KCNQ1: variants seen among roughly 807,000 people sequenced by gnomAD.
KCNQ1 encodes the protein potassium voltage-gated channel subfamily KQT member 1.
In KCNQ1, 49 loss-of-function variants were observed where a neutral mutation model predicts 72.4. The observed-to-expected ratio is 0.68, with a 90% CI of 0.54 to 0.86. The LOEUF (loss-of-function observed/expected upper bound fraction) is 0.86, where lower values mean the gene tolerates loss of function less well. KCNQ1 is among the 40% of genes least tolerant of loss of function. The pLI is 0.00. For missense variants in KCNQ1, 790 were observed against 945.1 expected (o/e 0.84, Z 2.15); for synonymous variants, 450 against 412.6 (o/e 1.09, Z -1.10).
intron 15 of KCNQ1, among the ~76,000 whole-genome samples, chr11:2,792,339 C>G (rs1246173902): frequency 6.6e-6 from 1 of 152,236 alleles, no homozygotes; most frequent in East Asian, 1.9e-4. Flanking sequence ...GTGTGTGGAC[C>G]AGGCAGGAGT....
rs1427987229 is a variant in KCNQ1, at chr11:2,494,963, T to C, written c.387-32965T>C. On this transcript the variant is annotated intron_variant, in intron 1 of 15. Transcript: ENST00000155840. This position sits in a 1 kb window ranked among gnomAD's most constrained non-coding sequence, Gnocchi z 4.6. ...GGTAGAATTTGGGTGTGAATCCGTC[T>C]GGTCCTGGGCTTTTTTTGGTTGGCA... Among the ~76,000 whole-genome samples the C allele has an allele frequency of 6.6e-6, 1 of 152,232 alleles. No individual in the cohort carries two copies. The highest frequency in any genetic ancestry group is 1.5e-5 in the Non-Finnish European group (1 of 68,046).
chr11:2,717,303 C>T (rs771059798), intron 11 of KCNQ1, among the ~76,000 whole-genome samples: 1 of 152,174 alleles, frequency 6.6e-6, no homozygotes, highest in Non-Finnish European at 1.5e-5. Context: ...TTGAGGGTTA[C>T]CCCAGAGTGA....
intron 11 of KCNQ1, among the ~76,000 whole-genome samples, chr11:2,749,641 CAAA>C (rs35701102): frequency 1.1e-5 from 1 of 87,120 alleles, no homozygotes; most frequent in Non-Finnish European, 2.5e-5. Flanking sequence ...ACTAAAAATA[CAAA>C]AAAAAAAAAA....
intron 11 of KCNQ1, chr11:2,697,172 C>T (rs1850691500): frequency 5.0e-6 from 2 of 398,454 alleles, no homozygotes; most frequent in African/African-American, 4.1e-5. Flanking sequence ...TTGTATAGTT[C>T]TGCTTTAAAC....
chr11:2,466,008 C>T (rs1002622335), intron 1 of KCNQ1, among the ~76,000 whole-genome samples: 2 of 152,248 alleles, frequency 1.3e-5, no homozygotes, highest in Non-Finnish European at 2.9e-5. Context: ...AGGGGCCCGC[C>T]CTTCAGGGCC....
At chr11:2,697,368 C>G (rs1431084021) in intron 11 of KCNQ1, 1 of 398,584 alleles carries the variant, frequency 2.5e-6, no homozygotes, top group Non-Finnish European at 4.4e-6. Flanking sequence ...CTACCTGATC[C>G]TCACATCCCC....
In KCNQ1 at chr11:2,493,206, G is replaced by C. The variant is rs1487006136; in HGVS notation, c.387-34722G>C. On this transcript the variant is annotated intron_variant, in intron 1 of 15. Transcript: ENST00000155840. This position sits in a 1 kb window ranked among gnomAD's most constrained non-coding sequence, Gnocchi z 5.3. ...CCTTTACCCACTTTTTGATGGGGTT[G>C]TTTTTTTCTTGTAAATTTAAGTTCC... 6.6e-6 allele frequency among the ~76,000 whole-genome samples: 1 copy of C among 151,924 alleles called. No homozygotes were observed. Among genetic ancestry groups the C allele is most frequent in the African/African-American group, 2.4e-5 (1 of 41,362 alleles).
At chr11:2,810,917 C>T (rs536457959) in intron 15 of KCNQ1, among the ~76,000 whole-genome samples, 1 of 152,330 alleles carries the variant, frequency 6.6e-6, no homozygotes, top group South Asian at 2.1e-4. Flanking sequence ...GGCAGAGGGA[C>T]AGGACATGGA....
intron 1 of KCNQ1, among the ~76,000 whole-genome samples, chr11:2,505,357 G>C (rs1847085784): frequency 6.6e-6 from 1 of 152,060 alleles, no homozygotes; most frequent in African/African-American, 2.4e-5. Flanking sequence ...TGTATGACTG[G>C]CATCTTTTTG....
At position 2,527,985 on chromosome 11, in the gene KCNQ1, T is replaced by C; in HGVS notation, c.444T>C (p.Tyr148=). Residue 148 remains tyrosine, a synonymous_variant, in exon 2 of 16, where the codon TAT becomes TAC. Coordinates refer to ENST00000155840, the MANE Select transcript of KCNQ1 (RefSeq NM_000218.3). ...GCGTGCTGTCCACCATCGAGCAGTA[T>C]GCCGCCCTGGCCACGGGGACTCTCT... The part of the protein sequence containing the change: ...IFSVLSTIEQ[Y]AALATGTLFW... 1 of 1,614,074 alleles carries C rather than the reference T, an allele frequency of 6.2e-7. No individual in the cohort carries two copies. The highest frequency in any genetic ancestry group is 8.5e-7 in the Non-Finnish European group (1 of 1,180,006).
intron 15 of KCNQ1, among the ~76,000 whole-genome samples, chr11:2,821,873 G>A (rs575615492): frequency 2.6e-5 from 4 of 152,290 alleles, no homozygotes; most frequent in Admixed American, 6.5e-5. Context: ...CTCTGTAGTC[G>A]TGTCATGGCC....
chr11:2,809,457 C>T lies in KCNQ1; in HGVS notation c.1794+31420C>T, dbSNP rs1397391251. On this transcript the variant is annotated intron_variant, in intron 15 of 15. Transcript: ENST00000155840. The surrounding 1 kb of genome is among the most constrained non-coding windows in gnomAD (Gnocchi z 7.1). Reference sequence around the variant, plus strand: ...GGTTGTTGTTACCGTGGCATTGGTCCAGGTTTGTGATACTTGTGCACAGCT... The same window carrying T: ...GGTTGTTGTTACCGTGGCATTGGTCTAGGTTTGTGATACTTGTGCACAGCT... 2.6e-5 allele frequency among the ~76,000 whole-genome samples: 4 copies of T among 152,120 alleles called. No individual in the cohort carries two copies.
At chr11:2,835,648 C>CCTGA in intron 15 of KCNQ1, among the ~76,000 whole-genome samples, 1 of 152,278 alleles carries the variant, frequency 6.6e-6, no homozygotes, top group East Asian at 1.9e-4. Context: ...ACCACAGCGA[C>CCTGA]GAGGGCCTGA....
chr11:2,623,245 AC>A lies in KCNQ1; in HGVS notation c.1393+34392del, dbSNP rs1348378432. The stretch of plus-strand genomic sequence containing the variant: ...CCATGCTTACTGTACAGCCTACAAA[AC>A]TGTGAGTCAATTAAACCTCTTTTCT... On this transcript the variant is annotated intron_variant, in intron 10 of 15. Coordinates refer to ENST00000155840, the MANE Select transcript of KCNQ1 (RefSeq NM_000218.3). The surrounding 1 kb of genome is among the most constrained non-coding windows in gnomAD (Gnocchi z 5.2). 2.5e-6 allele frequency: 1 copy of A among 398,582 alleles called. No individual in the cohort carries two copies. Among genetic ancestry groups the A allele is most frequent in the African/African-American group, 2.1e-5 (1 of 48,640 alleles). The allele number at this position is 398,582 out of a possible 1,614,324, so 24.7% of individuals were successfully genotyped here.
chr11:2,467,164 G>GCCTCCC (rs775393717), intron 1 of KCNQ1, among the ~76,000 whole-genome samples: 5 of 152,192 alleles, frequency 3.3e-5, no homozygotes, highest in East Asian at 3.9e-4. Context: ...CCTCCCTGGG[G>GCCTCCC]TGAGGGCCAG....
chr11:2,752,048 C>A lies in KCNQ1; in HGVS notation c.1515-16796C>A, dbSNP rs1846234958. On this transcript the variant is annotated intron_variant, in intron 11 of 15. Transcript: ENST00000155840. This position sits in a 1 kb window ranked among gnomAD's most constrained non-coding sequence, Gnocchi z 5.2. ...CTTGTACTGCCCTGTCCTCCCCACG[C>A]CCTGAGGGGCCGTCCTAGGCAGCAC... Among the ~76,000 whole-genome samples the A allele has an allele frequency of 6.6e-6, 1 of 152,254 alleles. No individual in the cohort carries two copies. The highest frequency in any genetic ancestry group is 1.5e-5 in the Non-Finnish European group (1 of 68,052).
chr11:2,791,950 T>C (rs879121176), intron 15 of KCNQ1, among the ~76,000 whole-genome samples: 3 of 152,202 alleles, frequency 2.0e-5, no homozygotes, highest in Admixed American at 6.5e-5. Context: ...GAACAGCCTT[T>C]CGTTGCCCGG....
rs1193650015 is a variant in KCNQ1, at chr11:2,682,897, CAG to C, written c.1514+20818_1514+20819del. On this transcript the variant is annotated intron_variant, in intron 11 of 15. Coordinates refer to ENST00000155840, the MANE Select transcript of KCNQ1 (RefSeq NM_000218.3). This position sits in a 1 kb window ranked among gnomAD's most constrained non-coding sequence, Gnocchi z 5.8. ...CTTGGGGATAGCAGATGTTCCCAGA[CAG>C]AAAATGGTGGCACCTGGAGAGGTGC... is the stretch of plus-strand genomic sequence containing the variant. 3 of 398,484 alleles carry C rather than the reference CAG, an allele frequency of 7.5e-6. No individual in the cohort carries two copies. The highest frequency in any genetic ancestry group is 1.3e-5 in the Non-Finnish European group (3 of 226,096). The allele number at this position is 398,484 out of a possible 1,614,324, so 24.7% of individuals were successfully genotyped here. A position where few individuals can be genotyped will look rare whatever the true frequency, so the allele number is the denominator to read the frequency against.
rs146566065 is a variant in KCNQ1 at position 2,686,038 on chromosome 11, G to A, written c.1514+23957G>A. The stretch of plus-strand genomic sequence containing the variant: ...GGCTCACTCTAAGCCCCGCCAGCTC[G>A]CACCATCTGATGGGGCAGGGGCAGG... On this transcript the variant is annotated intron_variant, in intron 11 of 15. Coordinates refer to ENST00000155840, the MANE Select transcript of KCNQ1 (RefSeq NM_000218.3). The A allele has an allele frequency of 3.6e-4, 144 of 399,362 alleles. 1 individual carries two copies. The highest frequency in any genetic ancestry group is 2.4e-3 in the African/African-American group (115 of 48,772). 24.7% of individuals were successfully genotyped at this position (399,362 alleles called of 1,614,324 possible).
Sources: allele counts gnomAD v4.1 joint callset (sites outside exome capture counted in the v4.1 genomes callset), GRCh38; gene constraint gnomAD v4.1.1; non-coding constraint Gnocchi (gnomAD v3.1); transcripts MANE v1.5; gene names NCBI Gene and HGNC (gene_info 2026-07-23, HGNC 2026-07-21).